The following CHRM3 variants were observed in gnomAD, a reference collection of about 807,000 sequenced individuals.
CHRM3 encodes the protein muscarinic acetylcholine receptor M3.
CHRM3 carries 11 observed loss-of-function variants against 41.8 expected under a neutral mutation model. The observed-to-expected ratio is 0.26, with a 90% CI of 0.17 to 0.44. The LOEUF (loss-of-function observed/expected upper bound fraction) is 0.44. Ranked by LOEUF, CHRM3 falls within the 20% of genes least tolerant of loss-of-function variation. The probability of loss-of-function intolerance (pLI) is 1.00; values close to 1 mark genes in which losing one functional copy is unlikely to be tolerated. For synonymous variants in CHRM3, 297 were observed against 301.4 expected, an observed-to-expected ratio of 0.99 and a Z score of 0.15; for missense variants, 571 against 745.4, an observed-to-expected ratio of 0.77 and a Z score of 2.72.
chr1:239,659,007 G>C (rs1672961344), intron 4 of CHRM3, among the ~76,000 whole-genome samples: 1 of 151,880 alleles, frequency 6.6e-6, no homozygotes, highest in Non-Finnish European at 1.5e-5. Context: ...CAAAGTGCTG[G>C]GATTATAGGT....
intron 1 of CHRM3, among the ~76,000 whole-genome samples, chr1:239,392,046 CTT>C (rs1659079799): frequency 6.6e-6 from 1 of 152,174 alleles, no homozygotes; most frequent in African/African-American, 2.4e-5. Flanking sequence ...TCAATTTGCA[CTT>C]TCAGTACTGG....
chr1:239,906,650 G>A (rs1164606050), intron 6 of CHRM3, among the ~76,000 whole-genome samples: 1 of 152,216 alleles, frequency 6.6e-6, no homozygotes, highest in African/African-American at 2.4e-5. Context: ...ATATGCAAAT[G>A]TGTGTGGGTG....
chr1:239,811,743 A>C (rs1405466729), intron 5 of CHRM3, among the ~76,000 whole-genome samples: 1 of 152,206 alleles, frequency 6.6e-6, no homozygotes, highest in Non-Finnish European at 1.5e-5. Flanking sequence ...TTATGTGGCT[A>C]TCAGGCCACC....
intron 1 of CHRM3, among the ~76,000 whole-genome samples, chr1:239,418,269 T>C (rs1345954682): frequency 1.3e-5 from 2 of 152,208 alleles, no homozygotes; most frequent in Non-Finnish European, 2.9e-5. Flanking sequence ...TCTGTGTTTT[T>C]AAGAGCTGCT....
intron 5 of CHRM3, among the ~76,000 whole-genome samples, chr1:239,790,552 C>G (rs995652868): frequency 6.6e-6 from 1 of 152,102 alleles, no homozygotes; most frequent in Non-Finnish European, 1.5e-5. Context: ...TGAGGCCTCC[C>G]CAGCCATGTA....
chr1:239,623,283 C>A (rs1668605988), intron 3 of CHRM3, among the ~76,000 whole-genome samples: 1 of 141,618 alleles, frequency 7.1e-6, no homozygotes, highest in Non-Finnish European at 1.5e-5. Context: ...CCACAACAGG[C>A]CCCGGGGTGT....
intron 5 of CHRM3, among the ~76,000 whole-genome samples, chr1:239,785,925 A>T (rs1019313559): frequency 1.3e-5 from 2 of 152,192 alleles, no homozygotes; most frequent in African/African-American, 4.8e-5. Flanking sequence ...ATATGTGTTT[A>T]AAATTCTGTC....
intron 2 of CHRM3, among the ~76,000 whole-genome samples, chr1:239,522,421 A>G (rs567894588): frequency 5.8e-4 from 89 of 152,338 alleles, no homozygotes; most frequent in African/African-American, 1.9e-3. Context: ...GGTCTAGCCA[A>G]CATGTGACTA....
chr1:239,468,425 A>T (rs1665885527), intron 1 of CHRM3, among the ~76,000 whole-genome samples: 1 of 152,096 alleles, frequency 6.6e-6, no homozygotes, highest in Admixed American at 6.5e-5. Context: ...TTAAAGTATA[A>T]TTTTTCTTCC....
At chr1:239,763,151 G>A (rs2148667749) in intron 5 of CHRM3, among the ~76,000 whole-genome samples, 1 of 152,168 alleles carries the variant, frequency 6.6e-6, no homozygotes, top group South Asian at 2.1e-4. Flanking sequence ...TGCATATACA[G>A]AAAACTGTCA....
chr1:239,658,719 G>T (rs150371921), intron 4 of CHRM3, among the ~76,000 whole-genome samples: 1 of 151,890 alleles, frequency 6.6e-6, no homozygotes, highest in African/African-American at 2.4e-5. Flanking sequence ...TCCTCTCATA[G>T]CTTCTTCAAG....
intron 5 of CHRM3, among the ~76,000 whole-genome samples, chr1:239,708,736 CTTTTTTTTTTTT>C (rs869143310): frequency 2.1e-5 from 1 of 48,294 alleles, no homozygotes; most frequent in African/African-American, 8.9e-5. Flanking sequence ...TTTAAATTTT[CTTTTTTTTTTTT>C]TTTTTTTTTT....
rs539499407 is a variant in CHRM3 at position 239,907,312 on chromosome 1, G to T, written c.-19-121G>T. ...AATAAGAGAATGAACTTGATGTTTG[G>T]CTTCATAGAGATTCAGCACCCTGTA... On this transcript the variant is annotated intron_variant, in intron 6 of 6. Coordinates refer to ENST00000676153, the MANE Select transcript of CHRM3 (RefSeq NM_001375978.1). This position sits in a 1 kb window ranked among gnomAD's most constrained non-coding sequence, Gnocchi z 5.4. 70 of 672,316 alleles carry T rather than the reference G, an allele frequency of 1.0e-4. No individual in the cohort carries two copies. Among genetic ancestry groups the T allele is most frequent in the Non-Finnish European group, 1.5e-4 (61 of 398,482 alleles). The allele number at this position is 672,316 out of a possible 1,614,324, so 41.6% of individuals were successfully genotyped here.
chr1:239,705,533 TC>T (rs1661073375), intron 5 of CHRM3: 1 of 152,162 alleles, frequency 6.6e-6, no homozygotes, highest in Non-Finnish European at 1.5e-5. Flanking sequence ...TCTTTGTAGT[TC>T]CTTGGTTTGT....
intron 1 of CHRM3, among the ~76,000 whole-genome samples, chr1:239,434,948 G>T (rs1663117161): frequency 6.6e-6 from 1 of 152,104 alleles, no homozygotes; most frequent in Admixed American, 6.6e-5. Flanking sequence ...GCTTCCCGAG[G>T]TTTTTGTATT....
intron 1 of CHRM3, among the ~76,000 whole-genome samples, chr1:239,393,375 G>T (rs147085565): frequency 0.011 from 1,614 of 152,172 alleles, 19 homozygotes; most frequent in South Asian, 0.025. Context: ...GTTGTGGGAG[G>T]TCTCTCAAAC....
chr1:239,523,428 G>A (rs763441954), intron 2 of CHRM3, among the ~76,000 whole-genome samples: 81 of 152,068 alleles, frequency 5.3e-4, no homozygotes, highest in Non-Finnish European at 8.7e-4. Flanking sequence ...TAATTTCTCA[G>A]CAGTGATTTT....
At chr1:239,451,934 TA>T (rs981187122) in intron 1 of CHRM3, among the ~76,000 whole-genome samples, 2 of 152,150 alleles carry the variant, frequency 1.3e-5, no homozygotes, top group Non-Finnish European at 2.9e-5. Context: ...TATTTTTAAA[TA>T]AAAAATATGC....
chr1:239,706,603 C>G (rs900138812), intron 5 of CHRM3: 1 of 149,882 alleles, frequency 6.7e-6, no homozygotes, highest in Non-Finnish European at 1.5e-5. Context: ...TGCACCCCCA[C>G]ACATGTGTCC....
Sources: gnomAD v4.1 joint callset for allele counts (sites outside exome capture counted in the v4.1 genomes callset) on GRCh38, gnomAD v4.1.1 for gene constraint, Gnocchi (gnomAD v3.1) non-coding constraint, MANE v1.5 for transcripts, NCBI Gene and HGNC (gene_info 2026-07-23, HGNC 2026-07-21) for gene names.